Variants in PRKG1 observed in about 807,000 individuals in gnomAD.
The protein encoded by PRKG1 is cGMP-dependent protein kinase 1.
A neutral mutation model predicts 88.1 loss-of-function variants in PRKG1; 35 were observed. The ratio of observed to expected loss-of-function variants is 0.40; its 90% confidence interval spans 0.30 to 0.53. PRKG1 has a LOEUF of 0.53. Ranked by LOEUF, PRKG1 falls within the 20% of genes least tolerant of loss-of-function variation. The pLI is 0.59. For synonymous variants in PRKG1, 303 were observed against 292.5 expected, an observed-to-expected ratio of 1.04 and a Z score of -0.37; for missense variants, 540 against 839.8, an observed-to-expected ratio of 0.64 and a Z score of 4.41.
intron 5 of PRKG1, among the ~76,000 whole-genome samples, chr10:52,033,547 C>T (rs1845524935): frequency 6.6e-6 from 1 of 152,158 alleles, no homozygotes; most frequent in Non-Finnish European, 1.5e-5. Context: ...GCCTTGGAGA[C>T]AGTCTGTCCT....
intron 7 of PRKG1, among the ~76,000 whole-genome samples, chr10:52,122,595 A>G (rs934163004): frequency 6.6e-6 from 1 of 152,216 alleles, no homozygotes; most frequent in Admixed American, 6.5e-5. Context: ...AAATAATAAC[A>G]AAGAACAATA....
intron 9 of PRKG1, among the ~76,000 whole-genome samples, chr10:52,251,226 A>T (rs1310409946): frequency 6.6e-6 from 1 of 152,070 alleles, no homozygotes; most frequent in East Asian, 1.9e-4. Flanking sequence ...CTAAAACAAA[A>T]CCAAAAAAGA....
chr10:52,134,960 G>C (rs2132637977), intron 8 of PRKG1, among the ~76,000 whole-genome samples: 1 of 152,188 alleles, frequency 6.6e-6, no homozygotes, highest in Admixed American at 6.6e-5. Flanking sequence ...TTACCAATTT[G>C]CTCTTCCATT....
intron 3 of PRKG1, among the ~76,000 whole-genome samples, chr10:51,745,900 A>G (rs539881390): frequency 1.3e-5 from 2 of 152,266 alleles, no homozygotes; most frequent in Admixed American, 6.5e-5. Context: ...GCTGGAGTGC[A>G]ATGGCGCAGT....
At position 51,884,865 on chromosome 10, in the gene PRKG1, G is replaced by A. The variant is rs572136996; in HGVS notation, c.699-22642G>A. Among the ~76,000 whole-genome samples, 49 of 152,252 alleles carry A rather than the reference G, an allele frequency of 3.2e-4. 1 individual carries two copies. The highest frequency in any genetic ancestry group is 2.3e-3 in the South Asian group (11 of 4,818). Reference sequence around the variant, plus strand: ...CCAGCCTAGGTCACATTCAAAGGGAGGGGAGTTAGCCTCCACCTCTTCGTA... The same window carrying A: ...CCAGCCTAGGTCACATTCAAAGGGAAGGGAGTTAGCCTCCACCTCTTCGTA... On this transcript the variant is annotated intron_variant, in intron 4 of 17. Transcript: ENST00000373980.
chr10:51,931,170 C>A (rs1455533258), intron 5 of PRKG1, among the ~76,000 whole-genome samples: 1 of 152,162 alleles, frequency 6.6e-6, no homozygotes, highest in South Asian at 2.1e-4. Flanking sequence ...GTGTCTCTGG[C>A]ACATCTGTCT....
At position 52,068,584 on chromosome 10, in the gene PRKG1, C is replaced by A. The variant is rs551326101; in HGVS notation, c.935+5953C>A. Among the ~76,000 whole-genome samples, 8 of 152,264 alleles carry A rather than the reference C, an allele frequency of 5.3e-5. No homozygotes were observed. In the South Asian group the frequency reaches 1.7e-3, roughly 32 times the overall value. ...GGAGGAGGAATCAAAAGGATACTTA[C>A]AAAGAATTTGGGTGAGTGCATATAA... On this transcript the variant is annotated intron_variant, in intron 7 of 17. Coordinates refer to ENST00000373980, the MANE Select transcript of PRKG1 (RefSeq NM_006258.4).
At chr10:52,041,400 A>T (rs897929252) in intron 5 of PRKG1, among the ~76,000 whole-genome samples, 2 of 152,112 alleles carry the variant, frequency 1.3e-5, no homozygotes, top group African/African-American at 2.4e-5. Flanking sequence ...GGGTTTTTGC[A>T]TCTATGCTCA....
At chr10:51,537,169 A>T (rs984584789) in intron 3 of PRKG1, among the ~76,000 whole-genome samples, 2 of 152,124 alleles carry the variant, frequency 1.3e-5, no homozygotes, top group African/African-American at 4.8e-5. Flanking sequence ...TATAATTAAA[A>T]TTTTTTTAAT....
At chr10:51,556,316 T>A (rs1382787100) in intron 3 of PRKG1, among the ~76,000 whole-genome samples, 1 of 152,084 alleles carries the variant, frequency 6.6e-6, no homozygotes, top group Non-Finnish European at 1.5e-5. Flanking sequence ...GTATATACTA[T>A]ATGATATAAA....
chr10:51,189,052 G>T (rs1837567610), intron 2 of PRKG1, among the ~76,000 whole-genome samples: 1 of 151,536 alleles, frequency 6.6e-6, no homozygotes, highest in African/African-American at 2.4e-5. Context: ...ACCTATTGAG[G>T]GTCTCAGAAT....
intron 2 of PRKG1, chr10:51,299,757 T>C: frequency 5.4e-6 from 2 of 370,460 alleles, no homozygotes; most frequent in Non-Finnish European, 1.0e-5. Flanking sequence ...TATAAGCTTC[T>C]ATTATACCTC....
intron 3 of PRKG1, among the ~76,000 whole-genome samples, chr10:51,690,323 G>A (rs1841105196): frequency 6.6e-6 from 1 of 152,084 alleles, no homozygotes; most frequent in Admixed American, 6.5e-5. Flanking sequence ...TTTGGGTGGG[G>A]ACACATCCAA....
At chr10:51,119,535 T>C (rs1396847808) in intron 1 of PRKG1, among the ~76,000 whole-genome samples, 3 of 152,156 alleles carry the variant, frequency 2.0e-5, no homozygotes, top group South Asian at 2.1e-4. Flanking sequence ...CATATTTTGA[T>C]AGAGAAATTT....
chr10:51,832,898 T>C (rs1264187377), intron 4 of PRKG1, among the ~76,000 whole-genome samples: 1 of 152,128 alleles, frequency 6.6e-6, no homozygotes, highest in African/African-American at 2.4e-5. Flanking sequence ...GTGAAAAGTC[T>C]ATCTGGGTTT....
At chr10:51,929,017 C>A (rs1319892207) in intron 5 of PRKG1, among the ~76,000 whole-genome samples, 3 of 152,094 alleles carry the variant, frequency 2.0e-5, no homozygotes, top group African/African-American at 4.8e-5. Flanking sequence ...CATAAATACA[C>A]CCCATACCAG....
intron 7 of PRKG1, among the ~76,000 whole-genome samples, chr10:52,117,952 C>T (rs1448705584): frequency 1.3e-5 from 2 of 151,584 alleles, no homozygotes; most frequent in Non-Finnish European, 2.9e-5. Context: ...TATTATTGTA[C>T]AAAAAATGTA....
rs1316818567 is a variant in PRKG1 at position 52,295,245 on chromosome 10, G to A, written c.*1345G>A. On this transcript the variant is annotated 3_prime_UTR_variant, in exon 18 of 18. Coordinates refer to ENST00000373980, the MANE Select transcript of PRKG1 (RefSeq NM_006258.4). ...AGAGAACAAAACAAGAACCTGGCCA[G>A]GTGTTGATTACCTTTTAGTGAATAA... The A allele has an allele frequency of 6.6e-6, 1 of 152,048 alleles. No individual in the cohort carries two copies. The highest frequency in any genetic ancestry group is 2.4e-5 in the African/African-American group (1 of 41,438). 9.4% of individuals were successfully genotyped at this position (152,048 alleles called of 1,614,324 possible).
At chr10:51,628,111 C>T (rs28402146) in intron 3 of PRKG1, among the ~76,000 whole-genome samples, 1 of 104,372 alleles carries the variant, frequency 9.6e-6, no homozygotes, top group South Asian at 3.3e-4. Flanking sequence ...TCTTTCTTTC[C>T]TTCTTTATTT....
Sources: allele counts gnomAD v4.1 joint callset (sites outside exome capture counted in the v4.1 genomes callset), GRCh38; gene constraint gnomAD v4.1.1; transcripts MANE v1.5; gene names NCBI Gene and HGNC (gene_info 2026-07-23, HGNC 2026-07-21).